The following GLIS3 variants were observed in gnomAD, a reference collection of about 807,000 sequenced individuals.
GLIS3 encodes zinc finger protein GLIS3.
A neutral mutation model predicts 78.6 loss-of-function variants in GLIS3; 53 were observed. The observed-to-expected ratio is 0.67, with a 90% confidence interval of 0.54 to 0.85. GLIS3 has a LOEUF of 0.85. Ranked by LOEUF, GLIS3 falls within the 40% of genes least tolerant of loss-of-function variation. The pLI, the probability that GLIS3 is intolerant of heterozygous loss-of-function variation, is 0.00. For synonymous variants in GLIS3, 684 were observed against 509.9 expected (o/e 1.34, Z -4.60); for missense variants, 1,703 against 1,231.1 (o/e 1.38, Z -5.74).
At chr9:3,903,171 A>C (rs1377035449) in intron 6 of GLIS3, among the ~76,000 whole-genome samples, 2 of 152,230 alleles carry the variant, frequency 1.3e-5, no homozygotes, top group Admixed American at 6.5e-5. Context: ...CAGGGCCATA[A>C]ACGCGAAGAA....
At chr9:4,375,788 C>G in the GLIS3 span, among the ~76,000 whole-genome samples, 1,694 of 152,174 alleles carry the variant, frequency 0.011, 16 homozygotes, top group Non-Finnish European at 0.015. Context: ...TTAGAACCTT[C>G]TAAAACACTA....
chr9:3,917,201 A>G (rs1369654158), intron 6 of GLIS3, among the ~76,000 whole-genome samples: 1 of 152,216 alleles, frequency 6.6e-6, no homozygotes, highest in African/African-American at 2.4e-5. Flanking sequence ...CTTAACCATA[A>G]CAATGTAAAT....
At chr9:3,864,129 G>A (rs1202469448) in intron 8 of GLIS3, among the ~76,000 whole-genome samples, 1 of 152,004 alleles carries the variant, frequency 6.6e-6, no homozygotes, top group Non-Finnish European at 1.5e-5. Context: ...GACATTTGAT[G>A]TAAAAAATTC....
intron 4 of GLIS3, among the ~76,000 whole-genome samples, chr9:4,020,301 TTTTTGTTTTG>T (rs772018037): frequency 2.0e-5 from 3 of 152,102 alleles, no homozygotes; most frequent in East Asian, 3.9e-4. Flanking sequence ...TGTTTTGTTT[TTTTTGTTTTG>T]TTTTGTTTTG....
At chr9:4,327,415 G>T (rs1817617370) in intron 2 of GLIS3, among the ~76,000 whole-genome samples, 1 of 152,168 alleles carries the variant, frequency 6.6e-6, no homozygotes, top group South Asian at 2.1e-4. Context: ...AGAAATGTGG[G>T]AGATCAGTTA....
At chr9:3,904,196 C>T (rs1823508774) in intron 6 of GLIS3, among the ~76,000 whole-genome samples, 1 of 152,162 alleles carries the variant, frequency 6.6e-6, no homozygotes. Flanking sequence ...TGTGTGACTG[C>T]TGTACTGTGG....
the GLIS3 span, among the ~76,000 whole-genome samples, chr9:4,459,177 A>G: frequency 6.6e-6 from 1 of 152,242 alleles, no homozygotes. Flanking sequence ...GTAAGAGATG[A>G]TGAAACTTGA....
the GLIS3 span, among the ~76,000 whole-genome samples, chr9:4,462,705 G>A: frequency 1.3e-5 from 2 of 151,968 alleles, no homozygotes; most frequent in Admixed American, 6.6e-5. Context: ...AGCTACACAG[G>A]AGGCTGAGGA....
At chr9:4,001,256 C>G in intron 4 of GLIS3, among the ~76,000 whole-genome samples, 1 of 151,862 alleles carries the variant, frequency 6.6e-6, no homozygotes, top group East Asian at 1.9e-4. Context: ...GTTTCTTATT[C>G]AAAAAAAATC....
At position 4,162,712 on chromosome 9, in the gene GLIS3, C is replaced by T. The variant is rs149749970; in HGVS notation, c.389-36771G>A. ...TCTATTAAAAAATACAAAAAATAAGCTGGGCATAGTGGCACACACCTGTAA... is the reference window on the plus strand; with the variant it reads ...TCTATTAAAAAATACAAAAAATAAGTTGGGCATAGTGGCACACACCTGTAA... On this transcript the variant is annotated intron_variant, in intron 2 of 10. Coordinates refer to ENST00000381971, the MANE Select transcript of GLIS3 (RefSeq NM_001042413.2). 7.7e-4 allele frequency among the ~76,000 whole-genome samples: 117 copies of T among 151,974 alleles called. No individual in the cohort carries two copies. In the East Asian group the frequency reaches 0.021, roughly 28 times the overall value.
In GLIS3 at chr9:4,266,222, C is replaced by A. The variant is rs546657489; in HGVS notation, c.388+19816G>T. Among the ~76,000 whole-genome samples, 3 of 152,030 alleles carry A rather than the reference C, an allele frequency of 2.0e-5. No homozygotes were observed. The South Asian group carries it at 6.2e-4, about 32-fold the overall frequency. Reference sequence around the variant, plus strand: ...TGTGAGCCACCGCGCCTGGCCCGCACTCACCCTGCTTCTTAACTTTTTCTG... The same window carrying A: ...TGTGAGCCACCGCGCCTGGCCCGCAATCACCCTGCTTCTTAACTTTTTCTG... On this transcript the variant is annotated intron_variant, in intron 2 of 10. Coordinates refer to ENST00000381971, the MANE Select transcript of GLIS3 (RefSeq NM_001042413.2).
Position 3,984,780 on chromosome 9 carries a change from CAT to C in GLIS3, c.1711-47593_1711-47592del, listed in dbSNP as rs199776086. 5.0e-3 allele frequency among the ~76,000 whole-genome samples: 762 copies of C among 152,288 alleles called. 4 individuals carry two copies. The highest frequency in any genetic ancestry group is 8.6e-3 in the Non-Finnish European group (588 of 68,026). Reference sequence around the variant, plus strand: ...TGAATGGTAACTCCCATAATTCCCACATGTTTCAGGAGGAACCCAGTGGGAAG... The same window carrying C: ...TGAATGGTAACTCCCATAATTCCCACGTTTCAGGAGGAACCCAGTGGGAAG... On this transcript the variant is annotated intron_variant, in intron 4 of 10. Transcript: ENST00000381971.
chr9:4,435,238 C>T, the GLIS3 span, among the ~76,000 whole-genome samples: 2 of 152,160 alleles, frequency 1.3e-5, no homozygotes, highest in African/African-American at 4.8e-5. Flanking sequence ...CCTTTTCGCA[C>T]TCCCCAAATA....
the GLIS3 span, among the ~76,000 whole-genome samples, chr9:4,402,670 T>C: frequency 1.3e-5 from 2 of 152,124 alleles, no homozygotes; most frequent in Admixed American, 6.6e-5. Context: ...AGTTGGAAAA[T>C]GCAATTGACA....
intron 2 of GLIS3, among the ~76,000 whole-genome samples, chr9:4,149,004 T>G (rs1834452133): frequency 1.3e-5 from 2 of 152,052 alleles, no homozygotes; most frequent in South Asian, 4.2e-4. Context: ...GGAAACAAGA[T>G]TATAACAAAC....
intron 2 of GLIS3, among the ~76,000 whole-genome samples, chr9:4,322,030 C>T (rs1303074284): frequency 2.6e-5 from 4 of 152,202 alleles, no homozygotes; most frequent in African/African-American, 4.8e-5. Flanking sequence ...CCTCCCCCAT[C>T]CCCCGAGCCC....
chr9:4,098,144 C>T (rs1034745325), intron 4 of GLIS3, among the ~76,000 whole-genome samples: 1 of 152,192 alleles, frequency 6.6e-6, no homozygotes, highest in Non-Finnish European at 1.5e-5. Context: ...AAATTCCCAT[C>T]TCTCAGGATC....
At chr9:4,376,688 C>G in the GLIS3 span, among the ~76,000 whole-genome samples, 8 of 131,914 alleles carry the variant, frequency 6.1e-5, no homozygotes, top group Admixed American at 6.0e-4. Context: ...AAAGAAAGCT[C>G]AACCTATTGT....
At chr9:4,158,177 C>A (rs544534042) in intron 2 of GLIS3, among the ~76,000 whole-genome samples, 2 of 152,204 alleles carry the variant, frequency 1.3e-5, no homozygotes, top group African/African-American at 2.4e-5. Flanking sequence ...TTTATTCTGT[C>A]GAGAATTCCT....
Sources: allele counts gnomAD v4.1 joint callset (sites outside exome capture counted in the v4.1 genomes callset), GRCh38; gene constraint gnomAD v4.1.1; transcripts MANE v1.5; gene names NCBI Gene and HGNC (gene_info 2026-07-23, HGNC 2026-07-21).